Variants in RAD51B observed in about 807,000 individuals in gnomAD.
RAD51B encodes RAD51 paralog B.
RAD51B carries 38 observed loss-of-function variants against 42.2 expected under a neutral mutation model. The observed-to-expected ratio is 0.90, with a 90% CI of 0.70 to 1.18. The LOEUF (loss-of-function observed/expected upper bound fraction) is 1.18. RAD51B is among the 50% of genes most tolerant of loss of function. The probability of loss-of-function intolerance (pLI) is 0.00; values close to 1 mark genes in which losing one functional copy is unlikely to be tolerated. For missense variants in RAD51B, 373 were observed against 400.7 expected (o/e 0.93, Z 0.59); for synonymous variants, 154 against 145.2 (o/e 1.06, Z -0.43).
intron 7 of RAD51B, among the ~76,000 whole-genome samples, chr14:68,102,941 A>G (rs768557512): frequency 3.9e-5 from 6 of 152,190 alleles, no homozygotes; most frequent in Non-Finnish European, 5.9e-5. Context: ...AGGGGAAGCA[A>G]ACATGTCCTT....
At chr14:68,141,139 G>A (rs2078119296) in intron 7 of RAD51B, among the ~76,000 whole-genome samples, 1 of 152,206 alleles carries the variant, frequency 6.6e-6, no homozygotes, top group South Asian at 2.1e-4. Flanking sequence ...AGACATTGAA[G>A]AAACTTGCAG....
chr14:68,113,059 A>G (rs2077484183), intron 7 of RAD51B, among the ~76,000 whole-genome samples: 1 of 152,136 alleles, frequency 6.6e-6, no homozygotes, highest in Admixed American at 6.6e-5. Context: ...ACAATAGCAT[A>G]TTTATGTTTA....
chr14:68,359,896 C>G (rs1487988619), intron 8 of RAD51B, among the ~76,000 whole-genome samples: 2 of 152,160 alleles, frequency 1.3e-5, no homozygotes, highest in African/African-American at 4.8e-5. Flanking sequence ...AAAAATTTGT[C>G]TACTTTGCCT....
chr14:67,998,717 T>C (rs764501791), intron 7 of RAD51B, among the ~76,000 whole-genome samples: 5 of 152,174 alleles, frequency 3.3e-5, no homozygotes, highest in Non-Finnish European at 5.9e-5. Context: ...ACTACTAGGA[T>C]GTAACCCTTC....
chr14:68,620,558 T>G (rs1891924448), intron 10 of RAD51B, among the ~76,000 whole-genome samples: 1 of 152,232 alleles, frequency 6.6e-6, no homozygotes, highest in African/African-American at 2.4e-5. Context: ...CTATTCCTAC[T>G]GGGCATAGGA....
At chr14:68,482,363 A>G (rs1471176036), downstream of RAD51B, among the ~76,000 whole-genome samples, 2 of 152,146 alleles carry the variant, frequency 1.3e-5, no homozygotes, top group East Asian at 1.9e-4. Context: ...AACTCTGTGC[A>G]TAATGTCTTT....
At chr14:68,218,696 A>G (rs1287581012) in intron 7 of RAD51B, among the ~76,000 whole-genome samples, 2 of 152,252 alleles carry the variant, frequency 1.3e-5, no homozygotes, top group African/African-American at 2.4e-5. Flanking sequence ...TGCCCTGCTT[A>G]TATCAGAAAA....
chr14:68,248,706 T>C lies in RAD51B; in HGVS notation c.757-43178T>C, dbSNP rs374472857. ...AGATTGGACCAACCAACAAGGCCAA[T>C]ATTTTCTTGACAGGGAACTGGCTGC... On this transcript the variant is annotated intron_variant, in intron 7 of 10. Coordinates refer to ENST00000471583, the MANE Select transcript of RAD51B (RefSeq NM_133510.4). Among the ~76,000 whole-genome samples the C allele has an allele frequency of 2.6e-5, 4 of 152,318 alleles. No homozygotes were observed. In the East Asian group the frequency reaches 7.7e-4, roughly 29 times the overall value.
At chr14:67,841,804 C>T (rs570425555) in intron 4 of RAD51B, among the ~76,000 whole-genome samples, 47 of 152,040 alleles carry the variant, frequency 3.1e-4, no homozygotes, top group African/African-American at 8.2e-4. Context: ...AGTACCATGC[C>T]GTTTTGGTTG....
chr14:67,978,667 T>G (rs1487597218), intron 7 of RAD51B, among the ~76,000 whole-genome samples: 1 of 152,202 alleles, frequency 6.6e-6, no homozygotes, highest in Non-Finnish European at 1.5e-5. Flanking sequence ...TATTGCTTTC[T>G]CTAGCCACTA....
chr14:68,607,478 C>T (rs1415880785), intron 10 of RAD51B, among the ~76,000 whole-genome samples: 1 of 152,204 alleles, frequency 6.6e-6, no homozygotes, highest in Non-Finnish European at 1.5e-5. Context: ...GCCAGCCCTG[C>T]TCCAGACCCC....
At chr14:68,634,236 G>A (rs942288293) in intron 10 of RAD51B, among the ~76,000 whole-genome samples, 2 of 152,116 alleles carry the variant, frequency 1.3e-5, no homozygotes, top group Non-Finnish European at 2.9e-5. Context: ...GTAAGCACTC[G>A]CACAGAATGA....
intron 7 of RAD51B, among the ~76,000 whole-genome samples, chr14:67,897,640 AC>A (rs2043466513): frequency 6.7e-6 from 1 of 149,802 alleles, no homozygotes; most frequent in African/African-American, 2.5e-5. Flanking sequence ...AGAAAAGAGA[AC>A]CCTTGTTCAC....
chr14:68,038,341 T>C (rs572148335), intron 7 of RAD51B, among the ~76,000 whole-genome samples: 48 of 152,346 alleles, frequency 3.2e-4, no homozygotes, highest in African/African-American at 1.1e-3. Context: ...TGTCAAGTTT[T>C]TCTGAGCAGT....
chr14:68,251,000 G>T (rs951995398), intron 7 of RAD51B, among the ~76,000 whole-genome samples: 4 of 152,138 alleles, frequency 2.6e-5, no homozygotes, highest in African/African-American at 9.7e-5. Context: ...GCTCTTCAGT[G>T]CAGCCTCATA....
At chr14:68,589,891 A>C (rs1890663516) in intron 10 of RAD51B, among the ~76,000 whole-genome samples, 1 of 152,166 alleles carries the variant, frequency 6.6e-6, no homozygotes, top group African/African-American at 2.4e-5. Context: ...TAGCTCATCA[A>C]GCTGGGTATG....
chr14:68,664,402 C>A (rs529326548), intron 11 of RAD51B, among the ~76,000 whole-genome samples: 1 of 152,104 alleles, frequency 6.6e-6, no homozygotes, highest in African/African-American at 2.4e-5. Flanking sequence ...ATATTCTTAC[C>A]AAAATAAGCT....
At chr14:68,004,298 AC>A (rs1436935157) in intron 7 of RAD51B, among the ~76,000 whole-genome samples, 1 of 143,314 alleles carries the variant, frequency 7.0e-6, no homozygotes, top group East Asian at 2.1e-4. Flanking sequence ...GCGCCACTGC[AC>A]TCCAGCCTGG....
chr14:67,885,823 A>G, intron 5 of RAD51B, 46 bp from the exon 6 acceptor site: 1 of 1,556,730 alleles, frequency 6.4e-7, no homozygotes, highest in Non-Finnish European at 8.7e-7. Flanking sequence ...ATGTGGCTTT[A>G]AGTAGAATTG....
Sources: allele counts gnomAD v4.1 joint callset (sites outside exome capture counted in the v4.1 genomes callset), GRCh38; gene constraint gnomAD v4.1.1; transcripts MANE v1.5; gene names NCBI Gene and HGNC (gene_info 2026-07-23, HGNC 2026-07-21).